Variants in FBXO15 observed in about 807,000 individuals in gnomAD.
FBXO15 encodes F-box only protein 15.
In FBXO15, 30 loss-of-function variants were observed where a neutral mutation model predicts 49.5. That is an observed-to-expected ratio of 0.61 (90% CI 0.45 to 0.82). The LOEUF (loss-of-function observed/expected upper bound fraction) is 0.82, where lower values mean the gene tolerates loss of function less well. Among genes scored for constraint, FBXO15 ranks in the 40% least tolerant of loss-of-function variants. The pLI is 0.00. For missense variants in FBXO15, 591 were observed against 631.5 expected, an observed-to-expected ratio of 0.94 and a Z score of 0.69; for synonymous variants, 250 against 232.7, an observed-to-expected ratio of 1.07 and a Z score of -0.68.
intron 8 of FBXO15, among the ~76,000 whole-genome samples, chr18:74,111,572 T>C (rs1418239331): frequency 6.6e-6 from 1 of 151,898 alleles, no homozygotes; most frequent in Non-Finnish European, 1.5e-5. Context: ...AATTCATATA[T>C]TAGAAAAGAA....
At chr18:74,134,748 C>T (rs1978610652) in intron 3 of FBXO15, among the ~76,000 whole-genome samples, 1 of 152,146 alleles carries the variant, frequency 6.6e-6, no homozygotes, top group South Asian at 2.1e-4. Flanking sequence ...ATGTTTTAAA[C>T]TTTCCCAGGT....
In FBXO15 at chr18:74,130,636, A is replaced by C. The variant is rs1978337209; in HGVS notation, c.355T>G (p.Ser119Ala). The C allele has an allele frequency of 6.2e-7, 1 of 1,613,550 alleles. No individual in the cohort carries two copies. Among genetic ancestry groups the C allele is most frequent in the Non-Finnish European group, 8.5e-7 (1 of 1,179,794 alleles). ...NDNFIWIGIY[S>A]TAFSPARSNW... Reference sequence around the variant, plus strand: ...GATCTTGCAGGTGAAAAAGCAGTTGAGTAGATTCCGATCCAAATAAAACTG... The same window carrying C: ...GATCTTGCAGGTGAAAAAGCAGTTGCGTAGATTCCGATCCAAATAAAACTG... The change falls in exon 4 of 10, where the codon TCA becomes GCA. Residue 119 changes from serine (S) to alanine (A), a missense_variant. Coordinates refer to ENST00000419743, the MANE Select transcript of FBXO15 (RefSeq NM_001142958.2).
At chr18:74,140,166 G>C in intron 2 of FBXO15, 36 bp downstream of exon 2, 1 of 1,514,532 alleles carries the variant, frequency 6.6e-7, no homozygotes, top group East Asian at 2.5e-5. Context: ...CATGCCTAGA[G>C]GCCCCCAAAA....
chr18:74,104,766 G>A (rs910442694), intron 8 of FBXO15, among the ~76,000 whole-genome samples: 1 of 152,134 alleles, frequency 6.6e-6, no homozygotes, highest in African/African-American at 2.4e-5. Flanking sequence ...TCCAACAGCA[G>A]AGCTCCCAAT....
intron 9 of FBXO15, 24 bp from the exon 10 acceptor site, chr18:74,073,754 A>G (rs1385962329): frequency 6.3e-7 from 1 of 1,587,120 alleles, no homozygotes; most frequent in Admixed American, 1.8e-5. Context: ...ACAGATTGAC[A>G]AGGATAAAAA....
At chr18:74,126,942 C>T (rs1451724911) in intron 5 of FBXO15, among the ~76,000 whole-genome samples, 1 of 152,156 alleles carries the variant, frequency 6.6e-6, no homozygotes, top group African/African-American at 2.4e-5. Flanking sequence ...GGTCGGTGAA[C>T]GTGTGTGATG....
chr18:74,080,751 G>C (rs1029709612), intron 9 of FBXO15, among the ~76,000 whole-genome samples: 1 of 152,206 alleles, frequency 6.6e-6, no homozygotes, highest in Admixed American at 6.5e-5. Flanking sequence ...TCAGAACTGG[G>C]ATAAAGCTTT....
intron 9 of FBXO15, among the ~76,000 whole-genome samples, chr18:74,080,491 A>G (rs1302377067): frequency 2.0e-5 from 3 of 152,186 alleles, no homozygotes; most frequent in African/African-American, 7.2e-5. Context: ...AAAACTCAAA[A>G]TCCTGCTTTC....
chr18:74,087,496 T>C (rs112661333), intron 8 of FBXO15, among the ~76,000 whole-genome samples: 2,856 of 152,294 alleles, frequency 0.019, 103 homozygotes, highest in African/African-American at 0.062. Context: ...CGGTATTTTG[T>C]TTTCTGTTCA....
At chr18:74,103,613 A>G (rs2145150079) in intron 8 of FBXO15, among the ~76,000 whole-genome samples, 1 of 152,292 alleles carries the variant, frequency 6.6e-6, no homozygotes, top group South Asian at 2.1e-4. Flanking sequence ...AGAGGATCCT[A>G]AAAGCAGCAA....
intron 8 of FBXO15, among the ~76,000 whole-genome samples, chr18:74,122,088 A>C (rs899543852): frequency 6.6e-6 from 1 of 152,190 alleles, no homozygotes; most frequent in African/African-American, 2.4e-5. Flanking sequence ...GTGACCTACG[A>C]GGGCATGAAG....
chr18:74,132,427 C>T (rs533038249), intron 3 of FBXO15, among the ~76,000 whole-genome samples: 1 of 152,208 alleles, frequency 6.6e-6, no homozygotes, highest in Non-Finnish European at 1.5e-5. Flanking sequence ...CAAAAACAAA[C>T]ACTGCCGCAG....
chr18:74,094,946 G>A (rs1913212427), intron 8 of FBXO15, among the ~76,000 whole-genome samples: 2 of 152,230 alleles, frequency 1.3e-5, no homozygotes, highest in Non-Finnish European at 2.9e-5. Context: ...AGAACTTGCT[G>A]CAACTTCCCC....
At chr18:74,131,014 C>A (rs1375601422) in intron 3 of FBXO15, among the ~76,000 whole-genome samples, 2 of 152,078 alleles carry the variant, frequency 1.3e-5, no homozygotes, top group Non-Finnish European at 2.9e-5. Context: ...TAGTATGATT[C>A]TTGTTTTTAA....
Position 74,147,794 on chromosome 18 carries a change from G to A in FBXO15, c.-9C>T, listed in dbSNP as rs1335758080. ...CCGCGTCCAGTCGCCATAGAGACAA[G>A]GAGTTCACCACAGGACCGCGCCAGG... On this transcript the variant is annotated 5_prime_UTR_variant, in exon 1 of 10. Coordinates refer to ENST00000419743, the MANE Select transcript of FBXO15 (RefSeq NM_001142958.2). The A allele has an allele frequency of 7.9e-6, 12 of 1,527,612 alleles. No homozygotes were observed. In the South Asian group the frequency reaches 1.5e-4, roughly 19 times the overall value. 94.6% of individuals were successfully genotyped at this position (1,527,612 alleles called of 1,614,324 possible). A position where few individuals can be genotyped will look rare whatever the true frequency, so the allele number is the denominator to read the frequency against.
intron 8 of FBXO15, among the ~76,000 whole-genome samples, chr18:74,087,828 C>T (rs1396518776): frequency 1.3e-5 from 2 of 152,206 alleles, no homozygotes; most frequent in Non-Finnish European, 1.5e-5. Flanking sequence ...TACATTCACA[C>T]CAGCAGTGTA....
chr18:74,130,160 C>CTGGTT, intron 4 of FBXO15, among the ~76,000 whole-genome samples: 1 of 152,242 alleles, frequency 6.6e-6, no homozygotes, highest in South Asian at 2.1e-4. Context: ...GTATAATGTA[C>CTGGTT]TGGTTTTATT....
intron 8 of FBXO15, among the ~76,000 whole-genome samples, chr18:74,106,756 G>T (rs2145155468): frequency 6.6e-6 from 1 of 152,196 alleles, no homozygotes. Flanking sequence ...ACAATCAGAT[G>T]TCCTTTTCAC....
At chr18:74,096,470 C>T (rs1239053220) in intron 8 of FBXO15, among the ~76,000 whole-genome samples, 5 of 150,492 alleles carry the variant, frequency 3.3e-5, no homozygotes, top group Admixed American at 6.6e-5. Context: ...CACCTAGAGC[C>T]AAAAAGGAGC....
Sources: gnomAD v4.1 joint callset for allele counts (sites outside exome capture counted in the v4.1 genomes callset) on GRCh38, gnomAD v4.1.1 for gene constraint, MANE v1.5 for transcripts, NCBI Gene and HGNC (gene_info 2026-07-23, HGNC 2026-07-21) for gene names.